ZNF804B: variants seen among roughly 807,000 people sequenced by gnomAD.
The protein encoded by ZNF804B is zinc finger 804B.
A neutral mutation model predicts 101.4 loss-of-function variants in ZNF804B; 80 were observed. The ratio of observed to expected loss-of-function variants is 0.79; its 90% CI spans 0.66 to 0.95. The LOEUF (loss-of-function observed/expected upper bound fraction) is 0.95. Among genes scored for constraint, ZNF804B ranks in the 40% least tolerant of loss-of-function variants. The probability of loss-of-function intolerance (pLI) is 0.00; values close to 1 mark genes in which losing one functional copy is unlikely to be tolerated. For synonymous variants in ZNF804B, 622 were observed against 558.8 expected (o/e 1.11, Z -1.59); for missense variants, 1,673 against 1,561.9 (o/e 1.07, Z -1.20).
intron 1 of ZNF804B, among the ~76,000 whole-genome samples, chr7:88,900,943 T>G (rs1217326557): frequency 6.6e-6 from 1 of 151,680 alleles, no homozygotes; most frequent in Non-Finnish European, 1.5e-5. Context: ...CATACAGAAT[T>G]CTCAAAAAGT....
chr7:89,056,021 A>G (rs1789286361), intron 1 of ZNF804B, among the ~76,000 whole-genome samples: 1 of 152,116 alleles, frequency 6.6e-6, no homozygotes, highest in Admixed American at 6.6e-5. Context: ...TTTCTTGGTC[A>G]GATGAGGAAA....
chr7:89,263,247 C>A (rs1179061928), intron 2 of ZNF804B, among the ~76,000 whole-genome samples: 2 of 152,154 alleles, frequency 1.3e-5, no homozygotes, highest in Non-Finnish European at 2.9e-5. Flanking sequence ...AGCTGTGAGA[C>A]CATGCTAATA....
rs145536781 is a variant in ZNF804B, at chr7:88,858,463, T to A, written c.108+98379T>A. On this transcript the variant is annotated intron_variant, in intron 1 of 3. Coordinates refer to ENST00000333190, the MANE Select transcript of ZNF804B (RefSeq NM_181646.5). ...TTAAAATTAAAGCCATTACTTTTTA[T>A]ACAGTTGGTGATTATCAGAGAGGGA... Among the ~76,000 whole-genome samples the A allele has an allele frequency of 4.6e-5, 7 of 152,306 alleles. No individual in the cohort carries two copies. In the East Asian group the frequency reaches 1.3e-3, roughly 29 times the overall value.
At chr7:88,812,346 C>CA (rs1790803286) in intron 1 of ZNF804B, among the ~76,000 whole-genome samples, 2 of 152,140 alleles carry the variant, frequency 1.3e-5, no homozygotes, top group East Asian at 1.9e-4. Flanking sequence ...TGGCTACTAT[C>CA]AAAAAAACAG....
At chr7:89,104,850 T>C (rs955146229) in intron 1 of ZNF804B, among the ~76,000 whole-genome samples, 3 of 152,100 alleles carry the variant, frequency 2.0e-5, no homozygotes, top group Non-Finnish European at 2.9e-5. Flanking sequence ...GAACTGCTAC[T>C]TGATTCTGCA....
chr7:88,997,064 T>C (rs1420910262), intron 1 of ZNF804B, among the ~76,000 whole-genome samples: 1 of 152,112 alleles, frequency 6.6e-6, no homozygotes, highest in Non-Finnish European at 1.5e-5. Flanking sequence ...ATAATGCTTT[T>C]AAGGCAATAT....
At chr7:89,038,201 T>G (rs1788958463) in intron 1 of ZNF804B, among the ~76,000 whole-genome samples, 1 of 152,120 alleles carries the variant, frequency 6.6e-6, no homozygotes, top group African/African-American at 2.4e-5. Flanking sequence ...TCCTCAGAAG[T>G]GGGATTGCTG....
chr7:89,230,575 G>C (rs1789176291), intron 2 of ZNF804B, among the ~76,000 whole-genome samples: 2 of 152,216 alleles, frequency 1.3e-5, no homozygotes, highest in East Asian at 1.9e-4. Context: ...CAAGAGAATA[G>C]ATCAATAGAT....
chr7:89,076,991 G>T (rs1789623865), intron 1 of ZNF804B, among the ~76,000 whole-genome samples: 1 of 151,938 alleles, frequency 6.6e-6, no homozygotes, highest in Admixed American at 6.6e-5. Flanking sequence ...GCTGTCTAAT[G>T]GCTTCAATAT....
intron 1 of ZNF804B, among the ~76,000 whole-genome samples, chr7:88,947,373 G>A (rs1278089284): frequency 2.0e-5 from 3 of 151,994 alleles, no homozygotes; most frequent in African/African-American, 7.2e-5. Flanking sequence ...CAGGGACATG[G>A]ATGAAGCTGG....
At chr7:89,254,576 G>A (rs980795315) in intron 2 of ZNF804B, among the ~76,000 whole-genome samples, 9 of 151,312 alleles carry the variant, frequency 5.9e-5, no homozygotes, top group Admixed American at 4.6e-4. Context: ...GATTTCCTGT[G>A]GAATGTGGAA....
At chr7:89,024,200 C>A (rs143987120) in intron 1 of ZNF804B, among the ~76,000 whole-genome samples, 1 of 152,284 alleles carries the variant, frequency 6.6e-6, no homozygotes, top group East Asian at 1.9e-4. Context: ...AAAAAGCATA[C>A]ATGGCTTCTG....
intron 1 of ZNF804B, among the ~76,000 whole-genome samples, chr7:89,136,896 TAGTG>T: frequency 6.6e-6 from 1 of 152,082 alleles, no homozygotes; most frequent in South Asian, 2.1e-4. Flanking sequence ...GTTCTCATGA[TAGTG>T]AGTAAGTCTC....
chr7:88,987,974 C>T (rs904310091), intron 1 of ZNF804B, among the ~76,000 whole-genome samples: 1 of 151,694 alleles, frequency 6.6e-6, no homozygotes, highest in Non-Finnish European at 1.5e-5. Context: ...ATCATCCCTC[C>T]TCCTTCCTTT....
chr7:89,321,441 T>C (rs1477655564), intron 2 of ZNF804B, among the ~76,000 whole-genome samples: 4 of 152,126 alleles, frequency 2.6e-5, no homozygotes, highest in Admixed American at 6.6e-5. Flanking sequence ...ATTGCACCAC[T>C]GTACTCCAGC....
At chr7:89,143,045 G>T (rs1404533590) in intron 1 of ZNF804B, among the ~76,000 whole-genome samples, 6 of 151,958 alleles carry the variant, frequency 3.9e-5, no homozygotes, top group Admixed American at 3.9e-4. Flanking sequence ...TGTGGGAGGA[G>T]TTGAGGTTTG....
intron 1 of ZNF804B, among the ~76,000 whole-genome samples, chr7:88,788,455 G>A (rs1448006815): frequency 6.6e-6 from 1 of 152,056 alleles, no homozygotes; most frequent in Non-Finnish European, 1.5e-5. Flanking sequence ...TTTTCATTCA[G>A]ATCTCAGTTT....
chr7:89,322,908 C>T (rs538365550), intron 2 of ZNF804B, among the ~76,000 whole-genome samples: 1 of 152,124 alleles, frequency 6.6e-6, no homozygotes, highest in Non-Finnish European at 1.5e-5. Context: ...ATAAAACATT[C>T]TCTAACTCAT....
chr7:89,283,028 A>G (rs1034175565), intron 2 of ZNF804B, among the ~76,000 whole-genome samples: 10 of 152,202 alleles, frequency 6.6e-5, no homozygotes, highest in African/African-American at 2.4e-4. Flanking sequence ...AATAAGAGAT[A>G]CAGCTAAGAA....
Sources: gnomAD v4.1 joint callset for allele counts (sites outside exome capture counted in the v4.1 genomes callset) on GRCh38, gnomAD v4.1.1 for gene constraint, MANE v1.5 for transcripts, NCBI Gene and HGNC (gene_info 2026-07-23, HGNC 2026-07-21) for gene names.